Variants in SEM1 observed in about 807,000 individuals in gnomAD.
SEM1 encodes the protein 26S proteasome complex subunit SEM1.
In SEM1, 3 loss-of-function variants were observed where a neutral mutation model predicts 12.7. The ratio of observed to expected loss-of-function variants is 0.24; its 90% CI spans 0.11 to 0.61. The LOEUF is 0.61. Among genes scored for constraint, SEM1 ranks in the 20% least tolerant of loss-of-function variants. SEM1 has a pLI of 0.88. For synonymous variants in SEM1, 30 were observed against 27.8 expected, an observed-to-expected ratio of 1.08 and a Z score of -0.25; for missense variants, 59 against 81.3, an observed-to-expected ratio of 0.73 and a Z score of 1.06.
chr7:96,669,026 C>T (rs781197854), downstream of SEM1, among the ~76,000 whole-genome samples: 20 of 152,200 alleles, frequency 1.3e-4, no homozygotes, highest in Admixed American at 9.8e-4. Context: ...TTCTTTCTCA[C>T]AGGTTTCAGA....
intron 2 of SEM1, among the ~76,000 whole-genome samples, chr7:96,612,143 C>T (rs1407168938): frequency 6.6e-6 from 1 of 152,164 alleles, no homozygotes; most frequent in Non-Finnish European, 1.5e-5. Context: ...AAAGCAGCTC[C>T]AAATACATTC....
chr7:96,557,765 C>T (rs1048780492), intron 2 of SEM1, among the ~76,000 whole-genome samples: 2 of 151,706 alleles, frequency 1.3e-5, no homozygotes, highest in African/African-American at 4.8e-5. Flanking sequence ...CAAGCCTAGG[C>T]AATGGCGGGC....
At chr7:96,629,683 A>G (rs560133624) in intron 2 of SEM1, among the ~76,000 whole-genome samples, 9 of 152,118 alleles carry the variant, frequency 5.9e-5, no homozygotes, top group Non-Finnish European at 1.2e-4. Flanking sequence ...CTGGATGGTC[A>G]TGACACTTGT....
At chr7:96,527,018 A>C (rs1305056448) in intron 2 of SEM1, among the ~76,000 whole-genome samples, 1 of 152,138 alleles carries the variant, frequency 6.6e-6, no homozygotes, top group East Asian at 1.9e-4. Flanking sequence ...AGTGCCACAG[A>C]GTTCTCTTCC....
chr7:96,531,808 T>C (rs189320094), intron 2 of SEM1, among the ~76,000 whole-genome samples: 50 of 152,252 alleles, frequency 3.3e-4, no homozygotes, highest in African/African-American at 1.2e-3. Flanking sequence ...AATTTCTATG[T>C]GCATTTCTAG....
At chr7:96,488,097 TCATCATCCCTATTGTTAAAC>T (rs1348607985) in intron 1 of SEM1, among the ~76,000 whole-genome samples, 8 of 152,124 alleles carry the variant, frequency 5.3e-5, no homozygotes, top group Non-Finnish European at 1.2e-4. Flanking sequence ...AATCATCAAC[TCATCATCCCTATTGTTAAAC>T]CAAGGGAGAG....
chr7:96,517,455 A>G (rs563819895), intron 2 of SEM1, among the ~76,000 whole-genome samples: 1 of 152,250 alleles, frequency 6.6e-6, no homozygotes, highest in East Asian at 1.9e-4. Context: ...CTTTCTCTAC[A>G]TTCTTTTCAA....
chr7:96,544,818 T>C (rs975131603), intron 2 of SEM1, among the ~76,000 whole-genome samples: 1 of 151,970 alleles, frequency 6.6e-6, no homozygotes, highest in Admixed American at 6.6e-5. Context: ...ATATTTACTA[T>C]TTATTAAGTG....
chr7:96,625,459 G>C (rs889796898), intron 2 of SEM1, among the ~76,000 whole-genome samples: 3 of 152,120 alleles, frequency 2.0e-5, no homozygotes, highest in East Asian at 1.9e-4. Flanking sequence ...GGGACATGTG[G>C]CTTCCTCAAA....
downstream of SEM1, among the ~76,000 whole-genome samples, chr7:96,619,283 T>G (rs1269801307): frequency 6.6e-6 from 1 of 152,200 alleles, no homozygotes; most frequent in Non-Finnish European, 1.5e-5. Flanking sequence ...ATGTATGTAT[T>G]TTGTTGATTA....
upstream of SEM1, among the ~76,000 whole-genome samples, chr7:96,496,942 C>G (rs1803297702): frequency 6.6e-6 from 1 of 151,934 alleles, no homozygotes; most frequent in African/African-American, 2.4e-5. Context: ...GAGCTTAATT[C>G]TCCCTGGCAT....
chr7:96,705,777 G>A (rs981612717), intron 1 of SEM1, among the ~76,000 whole-genome samples: 7 of 150,392 alleles, frequency 4.7e-5, no homozygotes, highest in African/African-American at 1.7e-4. Context: ...CCGAGATTGC[G>A]CCACTGCACT....
rs937495475 is a variant in SEM1, at chr7:96,626,179, C to T, written c.171-3536G>A. The stretch of plus-strand genomic sequence containing the variant: ...ACCTCCCCTTCCAAACCCCCATTGA[C>T]CTTCTCAGCCTCTGGTAACCATCCT... On this transcript the variant is annotated intron_variant, in intron 2 of 2. Coordinates refer to the SEM1 transcript ENST00000417009. Among the ~76,000 whole-genome samples the T allele has an allele frequency of 3.3e-5, 5 of 152,232 alleles. No individual in the cohort carries two copies. In the East Asian group the frequency reaches 9.6e-4, roughly 29 times the overall value.
At chr7:96,709,259 T>C (rs1790570156) in intron 1 of SEM1, among the ~76,000 whole-genome samples, 1 of 152,228 alleles carries the variant, frequency 6.6e-6, no homozygotes, top group Non-Finnish European at 1.5e-5. Flanking sequence ...TGTAACATCC[T>C]AAAAGTTAAG....
chr7:96,535,783 C>T (rs1804768709), intron 2 of SEM1, among the ~76,000 whole-genome samples: 3 of 151,896 alleles, frequency 2.0e-5, no homozygotes, highest in Admixed American at 2.0e-4. Flanking sequence ...CTGTAAAGGA[C>T]ATGATTTTTT....
chr7:96,544,281 TA>T (rs1368223968), intron 2 of SEM1, among the ~76,000 whole-genome samples: 3 of 152,066 alleles, frequency 2.0e-5, no homozygotes, highest in East Asian at 1.9e-4. Context: ...TTTTCATCTC[TA>T]ATAACAGAGA....
At chr7:96,597,473 A>G (rs1454960575) in intron 2 of SEM1, among the ~76,000 whole-genome samples, 1 of 152,092 alleles carries the variant, frequency 6.6e-6, no homozygotes, top group African/African-American at 2.4e-5. Flanking sequence ...CTAGTGGTCA[A>G]ACTGTAGGCA....
intron 2 of SEM1, among the ~76,000 whole-genome samples, chr7:96,631,711 A>C (rs1198568713): frequency 6.6e-6 from 1 of 152,202 alleles, no homozygotes; most frequent in Non-Finnish European, 1.5e-5. Context: ...AATGGGATCT[A>C]ATTAAACTAA....
At chr7:96,612,047 T>C (rs1807556616) in intron 2 of SEM1, among the ~76,000 whole-genome samples, 1 of 152,224 alleles carries the variant, frequency 6.6e-6, no homozygotes, top group South Asian at 2.1e-4. Flanking sequence ...TTGCTATGTA[T>C]AATTGGTTTG....
Sources: allele counts gnomAD v4.1 joint callset (sites outside exome capture counted in the v4.1 genomes callset), GRCh38; gene constraint gnomAD v4.1.1; transcripts MANE v1.5; gene names NCBI Gene and HGNC (gene_info 2026-07-23, HGNC 2026-07-21).